Variants in TMEM131 observed in about 807,000 individuals in gnomAD.
TMEM131 encodes the protein transmembrane protein 131.
In TMEM131, 66 loss-of-function variants were observed where a neutral mutation model predicts 211.6. The observed-to-expected ratio is 0.31, with a 90% CI of 0.26 to 0.38. The LOEUF is 0.38. Ranked by LOEUF, TMEM131 falls within the 10% of genes least tolerant of loss-of-function variation. The probability of loss-of-function intolerance (pLI) is 1.00; values close to 1 mark genes in which losing one functional copy is unlikely to be tolerated. For missense variants in TMEM131, 2,036 were observed against 2,299.3 expected (o/e 0.89, Z 2.34); for synonymous variants, 844 against 841.3 (o/e 1.00, Z -0.06).
At chr2:97,992,388 A>G (rs1405220708) in intron 1 of TMEM131, among the ~76,000 whole-genome samples, 2 of 152,240 alleles carry the variant, frequency 1.3e-5, no homozygotes, top group African/African-American at 4.8e-5. Flanking sequence ...AAATTTGTGC[A>G]TGAAACTATA....
chr2:97,776,893 C>T (rs1489166317), intron 31 of TMEM131, among the ~76,000 whole-genome samples: 2 of 152,178 alleles, frequency 1.3e-5, no homozygotes, highest in Non-Finnish European at 2.9e-5. Context: ...CAGGGCTGTA[C>T]TGAGGAATTA....
At chr2:97,818,223 A>G (rs1050123390) in intron 12 of TMEM131, among the ~76,000 whole-genome samples, 6 of 152,134 alleles carry the variant, frequency 3.9e-5, no homozygotes, top group Non-Finnish European at 8.8e-5. Context: ...TACAAAGAAT[A>G]CTTTTTATTT....
intron 2 of TMEM131, among the ~76,000 whole-genome samples, chr2:97,910,788 T>C (rs139941828): frequency 7.2e-4 from 109 of 152,300 alleles, no homozygotes; most frequent in African/African-American, 2.6e-3. Context: ...TTTGTTCTGT[T>C]CCATTGGTCT....
chr2:97,976,159 A>G (rs1452115950), intron 1 of TMEM131, among the ~76,000 whole-genome samples: 1 of 152,196 alleles, frequency 6.6e-6, no homozygotes, highest in Non-Finnish European at 1.5e-5. Context: ...AGAGATGTCC[A>G]CTTTTACTAC....
chr2:97,874,117 G>C (rs907926926), intron 4 of TMEM131, among the ~76,000 whole-genome samples: 1 of 152,142 alleles, frequency 6.6e-6, no homozygotes, highest in Non-Finnish European at 1.5e-5. Context: ...TGGAAGAAAG[G>C]ATATCAGTGA....
intron 1 of TMEM131, among the ~76,000 whole-genome samples, chr2:97,935,670 CAACAGAG>C (rs1677411677): frequency 1.3e-5 from 2 of 151,964 alleles, no homozygotes; most frequent in African/African-American, 4.8e-5. Context: ...GAAAAAAAAG[CAACAGAG>C]GTACTGTCAG....
At chr2:97,922,291 G>A (rs1390122146) in intron 2 of TMEM131, among the ~76,000 whole-genome samples, 4 of 152,106 alleles carry the variant, frequency 2.6e-5, no homozygotes, top group African/African-American at 9.7e-5. Flanking sequence ...CTGCTGTGCA[G>A]CCCTGTTCCT....
At chr2:97,850,726 G>A (rs1206371572) in intron 5 of TMEM131, among the ~76,000 whole-genome samples, 2 of 151,944 alleles carry the variant, frequency 1.3e-5, no homozygotes, top group South Asian at 4.1e-4. Flanking sequence ...AATCTAAAAT[G>A]TTCTCTAAAA....
At chr2:97,765,529 G>A (rs949527564) in intron 35 of TMEM131, among the ~76,000 whole-genome samples, 5 of 152,130 alleles carry the variant, frequency 3.3e-5, no homozygotes, top group Admixed American at 3.3e-4. Flanking sequence ...GGTCTCTGTT[G>A]CCCCCTATTT....
intron 21 of TMEM131, 41 bp from the exon 22 acceptor site, chr2:97,805,246 T>C (rs1681241934): frequency 1.3e-6 from 2 of 1,583,206 alleles, no homozygotes; most frequent in South Asian, 1.1e-5. Flanking sequence ...CTATACTCAC[T>C]TGTCAATTTT....
At chr2:97,898,621 C>T (rs568592837) in intron 3 of TMEM131, among the ~76,000 whole-genome samples, 14 of 152,260 alleles carry the variant, frequency 9.2e-5, no homozygotes, top group South Asian at 2.1e-4. Context: ...AAAGTGACTA[C>T]GCTGACACCT....
Position 97,825,080 on chromosome 2 carries a change from G to A in TMEM131, c.1075-6359C>T, listed in dbSNP as rs183290363. Among the ~76,000 whole-genome samples the A allele has an allele frequency of 3.3e-5, 5 of 152,252 alleles. No individual in the cohort carries two copies. In the East Asian group the frequency reaches 9.7e-4, roughly 29 times the overall value. Reference sequence around the variant, plus strand: ...TGACTCCCAGTTTCTCTTTGTCTTTGAGGATCCCACAGACCACATGTCCCA... The same window carrying A: ...TGACTCCCAGTTTCTCTTTGTCTTTAAGGATCCCACAGACCACATGTCCCA... On this transcript the variant is annotated intron_variant, in intron 11 of 40. Coordinates refer to ENST00000186436, the MANE Select transcript of TMEM131 (RefSeq NM_015348.2).
At chr2:97,844,851 A>C (rs1559396692) in intron 5 of TMEM131, among the ~76,000 whole-genome samples, 1 of 152,162 alleles carries the variant, frequency 6.6e-6, no homozygotes, top group Non-Finnish European at 1.5e-5. Flanking sequence ...CATGTTCAAG[A>C]GACTGAAATT....
intron 11 of TMEM131, among the ~76,000 whole-genome samples, chr2:97,830,132 T>TAAAAAAAAAA (rs60531384): frequency 4.6e-4 from 33 of 72,294 alleles, no homozygotes; most frequent in Non-Finnish European, 6.0e-4. Flanking sequence ...CATTATCAGT[T>TAAAAAAAAAA]AAAAAAAAAA....
intron 8 of TMEM131, among the ~76,000 whole-genome samples, chr2:97,835,383 A>G: frequency 6.6e-6 from 1 of 152,212 alleles, no homozygotes; most frequent in East Asian, 1.9e-4. Context: ...CAGGGCTTAC[A>G]CTGCTCTTTC....
rs770249887 is a variant in TMEM131, at chr2:97,927,412, T to TA, written c.249+13dup. On this transcript the variant is annotated intron_variant, in intron 2 of 40. Coordinates refer to ENST00000186436, the MANE Select transcript of TMEM131 (RefSeq NM_015348.2). The stretch of plus-strand genomic sequence containing the variant: ...AAGGCTTAACAATAACTTGTCTACT[T>TA]AAAAAAAAATTACCTGTAGTAGCCC... 2.9e-4 allele frequency: 453 copies of TA among 1,557,848 alleles called. No individual in the cohort carries two copies. Among genetic ancestry groups the TA allele is most frequent in the South Asian group, 9.9e-4 (80 of 80,658 alleles).
chr2:97,852,973 T>C (rs1271288015), intron 5 of TMEM131, among the ~76,000 whole-genome samples: 2 of 152,364 alleles, frequency 1.3e-5, no homozygotes, highest in Non-Finnish European at 1.5e-5. Flanking sequence ...ATTTATAACA[T>C]GGTTTACTGA....
At chr2:97,767,607 A>G (rs1262578706) in intron 33 of TMEM131, among the ~76,000 whole-genome samples, 1 of 152,180 alleles carries the variant, frequency 6.6e-6, no homozygotes, top group Non-Finnish European at 1.5e-5. Flanking sequence ...ATCCTCAGGG[A>G]TCTCTACAGA....
intron 1 of TMEM131, among the ~76,000 whole-genome samples, chr2:97,939,412 C>T (rs188067940): frequency 1.0e-3 from 153 of 152,290 alleles, no homozygotes; most frequent in African/African-American, 3.5e-3. Context: ...TGCAAATAAA[C>T]TAGAAAATCT....
Sources: allele counts gnomAD v4.1 joint callset (sites outside exome capture counted in the v4.1 genomes callset), GRCh38; gene constraint gnomAD v4.1.1; transcripts MANE v1.5; gene names NCBI Gene and HGNC (gene_info 2026-07-23, HGNC 2026-07-21).